DSP: variants seen among roughly 807,000 people sequenced by gnomAD.
The protein encoded by DSP is desmoplakin.
In DSP, 114 loss-of-function variants were observed where a neutral mutation model predicts 290.6. The ratio of observed to expected loss-of-function variants is 0.39; its 90% CI spans 0.34 to 0.46. The LOEUF is 0.46. DSP is among the 20% of genes least tolerant of loss of function. The pLI is 0.99. For synonymous variants in DSP, 1,311 were observed against 1,316.4 expected (o/e 1.00, Z 0.09); for missense variants, 3,230 against 3,495.8 (o/e 0.92, Z 1.92).
rs896481230 is a variant in DSP, at chr6:7,582,478, G to T, written c.5380-164G>T. 6.6e-6 allele frequency among the ~76,000 whole-genome samples: 1 copy of T among 151,124 alleles called. No individual in the cohort carries two copies. Among genetic ancestry groups the T allele is most frequent in the Non-Finnish European group, 1.5e-5 (1 of 67,872 alleles). On this transcript the variant is annotated intron_variant, in intron 23 of 23. Coordinates refer to ENST00000379802, the MANE Select transcript of DSP (RefSeq NM_004415.4). The surrounding 1 kb of genome is among the most constrained non-coding windows in gnomAD (Gnocchi z 4.2). ...TATACAGAATTTTTCCCACAAATTT[G>T]TAAAATAACAAGCTCACAGTGTATC...
At chr6:7,552,038 T>G (rs1480040654) in intron 1 of DSP, among the ~76,000 whole-genome samples, 1 of 152,218 alleles carries the variant, frequency 6.6e-6, no homozygotes, top group East Asian at 1.9e-4. Context: ...TCAGACGCGG[T>G]CTTGAAAAGT....
At position 7,566,577 on chromosome 6, in the gene DSP, G is replaced by A. The variant is rs764401359; in HGVS notation, c.1044+96G>A. 1,000 of 1,011,462 alleles carry A rather than the reference G, an allele frequency of 9.9e-4. 3 individuals carry two copies. Among genetic ancestry groups the A allele is most frequent in the Non-Finnish European group, 1.4e-3 (916 of 677,670 alleles). 62.7% of individuals were successfully genotyped at this position (1,011,462 alleles called of 1,614,324 possible). A position where few individuals can be genotyped will look rare whatever the true frequency, so the allele number is the denominator to read the frequency against. On this transcript the variant is annotated intron_variant, in intron 8 of 23. Coordinates refer to ENST00000379802, the MANE Select transcript of DSP (RefSeq NM_004415.4). ...AGTAATTCTTATATGACTTAAAGCC[G>A]TGCCAACTTTATTTTCTATTTTGGG... is the stretch of plus-strand genomic sequence containing the variant.
intron 12 of DSP, among the ~76,000 whole-genome samples, chr6:7,570,080 T>C (rs1427206658): frequency 1.3e-5 from 2 of 152,166 alleles, no homozygotes; most frequent in South Asian, 2.1e-4. Context: ...ACACACTGAA[T>C]AGGGAGAGTA....
rs1431507005 is a variant in DSP at position 7,572,063 on chromosome 6, C to T, written c.2125C>T (p.Leu709Phe). ...SHHITVKINELKSVQNDSQAI... is the reference protein window; with the variant it reads ...SHHITVKINEFKSVQNDSQAI... ...CCACATCACAGTGAAAATTAACGAG[C>T]TTAAGGTAGGTATCTGCTAGTATTT... The change falls in exon 15 of 24, where the codon CTT becomes TTT. Residue 709 changes from leucine to phenylalanine, a missense_variant. By Grantham distance (22) the Leu-to-Phe change is conservative. Coordinates refer to ENST00000379802, the MANE Select transcript of DSP (RefSeq NM_004415.4). The T allele has an allele frequency of 6.4e-5, 104 of 1,613,524 alleles. No homozygotes were observed. Among genetic ancestry groups the T allele is most frequent in the Non-Finnish European group, 8.5e-5 (100 of 1,179,654 alleles).
chr6:7,550,556 CCA>C (rs1241604511), intron 1 of DSP, among the ~76,000 whole-genome samples: 1 of 151,846 alleles, frequency 6.6e-6, no homozygotes, highest in Non-Finnish European at 1.5e-5. Flanking sequence ...TTCTTTTTAA[CCA>C]CCGATGAAGG....
rs941358517 is a variant in DSP at position 7,585,972 on chromosome 6, A to G, written c.*94A>G. On this transcript the variant is annotated 3_prime_UTR_variant, in exon 24 of 24. Transcript: ENST00000379802. The stretch of plus-strand genomic sequence containing the variant: ...AAAAGAAAATCCCGGTGCTTGCAGT[A>G]GAGTGATAGGACATTCTATGCTTAC... 15 of 1,257,652 alleles carry G rather than the reference A, an allele frequency of 1.2e-5. No homozygotes were observed. The highest frequency in any genetic ancestry group is 1.7e-5 in the Non-Finnish European group (15 of 873,190). The allele number at this position is 1,257,652 out of a possible 1,614,324, so 77.9% of individuals were successfully genotyped here.
intron 16 of DSP, 117 bp from the exon 17 acceptor site, chr6:7,574,540 A>C: frequency 2.0e-6 from 3 of 1,487,320 alleles, no homozygotes; most frequent in Non-Finnish European, 2.8e-6. Context: ...AAAAACAGAC[A>C]AAATAAATTT....
At position 7,584,390 on chromosome 6, in the gene DSP, G is replaced by C. The variant is rs756684406; in HGVS notation, c.7128G>C (p.Gly2376=). Residue 2376 remains glycine, a synonymous_variant, in exon 24 of 24, where the codon GGG becomes GGC. Transcript: ENST00000379802. This position sits in a 1 kb window ranked among gnomAD's most constrained non-coding sequence, Gnocchi z 6.4. Reference sequence around the variant, plus strand: ...TAGAAGCACAGATCGCAACCGGGGGGATCATTGACCCAAAGGAGAGCCATC... The same window carrying C: ...TAGAAGCACAGATCGCAACCGGGGGCATCATTGACCCAAAGGAGAGCCATC... The part of the protein sequence containing the change: ...RLLEAQIATG[G]IIDPKESHRL... The C allele has an allele frequency of 1.2e-6, 2 of 1,614,116 alleles. No individual in the cohort carries two copies. Among genetic ancestry groups the C allele is most frequent in the South Asian group, 2.2e-5 (2 of 91,070 alleles).
intron 1 of DSP, among the ~76,000 whole-genome samples, chr6:7,553,431 T>C (rs952259776): frequency 1.3e-5 from 2 of 152,222 alleles, no homozygotes; most frequent in South Asian, 4.1e-4. Context: ...CAGAATTTCT[T>C]AATGTTTCAG....
rs761380979 is a variant in DSP, at chr6:7,568,458, G to A, written c.1288G>A (p.Glu430Lys). The part of the protein sequence containing the change: ...ELEKEREKIL[E>K]YKRQVQNLVN... ...GCAGAAAGAACGAGAGAAAATCCTT[G>A]AATACAAGCGTCAGGTGCAGAACTT... The change falls in exon 11 of 24, where the codon GAA becomes AAA. Residue 430 changes from glutamate to lysine, a missense_variant. Physicochemically the swap from Glu to Lys is moderately conservative, Grantham distance 56. Coordinates refer to ENST00000379802, the MANE Select transcript of DSP (RefSeq NM_004415.4). 3.7e-6 allele frequency: 6 copies of A among 1,614,072 alleles called. No homozygotes were observed. The Admixed American group carries it at 1.0e-4, about 27-fold the overall frequency.
At chr6:7,561,288 G>A (rs756687044) in intron 4 of DSP, among the ~76,000 whole-genome samples, 2 of 152,158 alleles carry the variant, frequency 1.3e-5, no homozygotes, top group Admixed American at 6.5e-5. Context: ...CAATTGATAA[G>A]CGATGCTTTC....
rs924651718 is a variant in DSP at position 7,579,947 on chromosome 6, A to C, written c.3757A>C (p.Ile1253Leu). Residue 1253 changes from isoleucine to leucine, a missense_variant, in exon 23 of 24, where the codon ATT becomes CTT. Ile to Leu is a conservative substitution (Grantham distance 5). This residue lies in a region of DSP where 1,714 missense variants were observed against 1,844.5 expected (regional missense o/e 0.93). Transcript: ENST00000379802. This position sits in a 1 kb window ranked among gnomAD's most constrained non-coding sequence, Gnocchi z 4.1. ...SRENRDLKDE[I>L]VRLNDSILQA... is the part of the protein sequence containing the mutation. ...GGAAAATCGAGATCTGAAGGATGAAATTGTCAGGCTCAATGACAGCATCTT... is the reference window on the plus strand; with the variant it reads ...GGAAAATCGAGATCTGAAGGATGAACTTGTCAGGCTCAATGACAGCATCTT... 6.2e-7 allele frequency: 1 copy of C among 1,614,068 alleles called. No individual in the cohort carries two copies. The highest frequency in any genetic ancestry group is 8.5e-7 in the Non-Finnish European group (1 of 1,180,052).
intron 1 of DSP, among the ~76,000 whole-genome samples, chr6:7,547,237 A>T (rs2113639893): frequency 6.6e-6 from 1 of 152,246 alleles, no homozygotes. Context: ...CCTAAGACTC[A>T]GACATGAGCT....
chr6:7,547,999 G>T (rs993318737), intron 1 of DSP, among the ~76,000 whole-genome samples: 1 of 152,150 alleles, frequency 6.6e-6, no homozygotes, highest in Admixed American at 6.5e-5. Flanking sequence ...GCCGGGCGCG[G>T]TGGCTCACGC....
In DSP at chr6:7,585,805, G is replaced by A; in HGVS notation, c.8543G>A (p.Gly2848Glu). The change falls in exon 24 of 24, where the codon GGA (glycine) becomes GAA (glutamate). Residue 2848 changes from glycine to glutamate, a missense_variant. By Grantham distance (98) the Gly-to-Glu change is moderately conservative (BLOSUM62 -2). This residue lies in a region of DSP where 582 missense variants were observed against 555.4 expected (regional missense o/e 1.05). Transcript: ENST00000379802. ...GGGTCCCGCAGTGGGTCCCGGAGAGGAAGCTTTGACGCCACAGGGAATTCT... is the reference window on the plus strand; with the variant it reads ...GGGTCCCGCAGTGGGTCCCGGAGAGAAAGCTTTGACGCCACAGGGAATTCT... ...RSGSRSGSRR[G>E]SFDATGNSSY... 2 of 1,610,994 alleles carry A rather than the reference G, an allele frequency of 1.2e-6. No individual in the cohort carries two copies. The highest frequency in any genetic ancestry group is 8.5e-7 in the Non-Finnish European group (1 of 1,179,214).
intron 1 of DSP, among the ~76,000 whole-genome samples, chr6:7,544,171 A>G (rs1321135975): frequency 3.9e-5 from 6 of 152,098 alleles, no homozygotes; most frequent in South Asian, 2.1e-4. Context: ...GATCCTGGCA[A>G]TGGAGGTTCC....
In DSP at chr6:7,571,961, A is replaced by G. The variant is rs142619902; in HGVS notation, c.2023A>G (p.Ile675Val). 64 of 1,614,092 alleles carry G rather than the reference A, an allele frequency of 4.0e-5. No individual in the cohort carries two copies. The highest frequency in any genetic ancestry group is 5.1e-5 in the Non-Finnish European group (60 of 1,180,046). The change falls in exon 15 of 24, where the codon ATT (isoleucine) becomes GTT (valine). Residue 675 changes from isoleucine (I) to valine (V), a missense_variant. Physicochemically the swap from Ile to Val is conservative, Grantham distance 29. Coordinates refer to ENST00000379802, the MANE Select transcript of DSP (RefSeq NM_004415.4). ...ATGGATGCTGATGGAGCTGCAGAAGATTCGCAGGCAGATAGAGCACTGCGA... is the reference window on the plus strand; with the variant it reads ...ATGGATGCTGATGGAGCTGCAGAAGGTTCGCAGGCAGATAGAGCACTGCGA... Reference protein sequence around the residue: ...ETWMLMELQKIRRQIEHCEGR... With the variant: ...ETWMLMELQKVRRQIEHCEGR...
intron 20 of DSP, 87 bp downstream of exon 20, chr6:7,577,129 C>G: frequency 9.9e-7 from 1 of 1,009,542 alleles, no homozygotes; most frequent in East Asian, 2.6e-5. Context: ...AGCGTATACA[C>G]TTCCTGAGGA....
In DSP at chr6:7,541,694, G is replaced by C; in HGVS notation, c.-222G>C. 1.7e-6 allele frequency: 1 copy of C among 578,870 alleles called. No homozygotes were observed. The highest frequency in any genetic ancestry group is 3.0e-6 in the Non-Finnish European group (1 of 338,130). 35.9% of individuals were successfully genotyped at this position (578,870 alleles called of 1,614,324 possible). On this transcript the variant is annotated 5_prime_UTR_variant, in exon 1 of 24. Transcript: ENST00000379802. ...CTCCTCTGCGCCCTTGCCGCCCTCC[G>C]AGCCACAGCTTTCCTCCCGCTCCTG...
Sources: allele counts gnomAD v4.1 joint callset (sites outside exome capture counted in the v4.1 genomes callset), GRCh38; gene constraint gnomAD v4.1.1; regional missense constraint gnomAD v4.1.1; non-coding constraint Gnocchi (gnomAD v3.1); transcripts MANE v1.5; gene names NCBI Gene and HGNC (gene_info 2026-07-23, HGNC 2026-07-21).